Variants in OGFRL1 observed in about 807,000 individuals in gnomAD.
The protein encoded by OGFRL1 is opioid growth factor receptor-like protein 1.
OGFRL1 carries 26 observed loss-of-function variants against 32.4 expected under a neutral mutation model. The observed-to-expected ratio is 0.80, with a 90% CI of 0.59 to 1.11. The LOEUF (loss-of-function observed/expected upper bound fraction) is 1.11. Among genes scored for constraint, OGFRL1 ranks in the 50% most tolerant of loss-of-function variants. The pLI, the probability that OGFRL1 is intolerant of heterozygous loss-of-function variation, is 0.00. For synonymous variants in OGFRL1, 211 were observed against 201.2 expected (o/e 1.05, Z -0.41); for missense variants, 521 against 546.4 (o/e 0.95, Z 0.46).
chr6:71,289,089 G>C lies in OGFRL1; in HGVS notation c.153G>C (p.Ala51=). Residue 51 remains alanine, a synonymous_variant, in exon 1 of 7, where the codon GCG becomes GCC. Transcript: ENST00000370435. ...EGPGQESEQP[A]QPPEQAGGRP... Reference sequence around the variant, plus strand: ...CGGGGCAGGAGTCCGAGCAGCCCGCGCAGCCCCCGGAGCAAGCCGGCGGGC... The same window carrying C: ...CGGGGCAGGAGTCCGAGCAGCCCGCCCAGCCCCCGGAGCAAGCCGGCGGGC... The C allele has an allele frequency of 2.6e-6, 3 of 1,144,772 alleles. No individual in the cohort carries two copies. The highest frequency in any genetic ancestry group is 3.2e-6 in the Non-Finnish European group (3 of 930,280). The allele number at this position is 1,144,772 out of a possible 1,614,324, so 70.9% of individuals were successfully genotyped here.
chr6:71,293,635 A>T (rs754568177), intron 3 of OGFRL1, 24 bp downstream of exon 3: 2 of 1,448,890 alleles, frequency 1.4e-6, no homozygotes, highest in Non-Finnish European at 1.9e-6. Context: ...TACTTGATAA[A>T]TTGCACTTTA....
In OGFRL1 at chr6:71,306,363, T is replaced by C. The variant is rs575982099; in HGVS notation, c.*4314T>C. 7.9e-5 allele frequency: 12 copies of C among 152,304 alleles called. No individual in the cohort carries two copies. The highest frequency in any genetic ancestry group is 7.9e-4 in the Admixed American group (12 of 15,278). 9.4% of individuals were successfully genotyped at this position (152,304 alleles called of 1,614,324 possible). A position where few individuals can be genotyped will look rare whatever the true frequency, so the allele number is the denominator to read the frequency against. On this transcript the variant is annotated 3_prime_UTR_variant, in exon 7 of 7. Transcript: ENST00000370435. The stretch of plus-strand genomic sequence containing the variant: ...GTACTACCCTGCTCCTTCTGCATTC[T>C]AGTTATCCAACACACCCAGCAGATT...
chr6:71,306,540 A>C lies in OGFRL1; in HGVS notation c.*4491A>C, dbSNP rs1022869219. 2 of 152,198 alleles carry C rather than the reference A, an allele frequency of 1.3e-5. No individual in the cohort carries two copies. The highest frequency in any genetic ancestry group is 2.1e-4 in the South Asian group (1 of 4,834). 9.4% of individuals were successfully genotyped at this position (152,198 alleles called of 1,614,324 possible). A position where few individuals can be genotyped will look rare whatever the true frequency, so the allele number is the denominator to read the frequency against. ...AAGTTTACATTTTTATTACATTATAAAATCTCATCATTGGGAACTTTCTAA... is the reference window on the plus strand; with the variant it reads ...AAGTTTACATTTTTATTACATTATACAATCTCATCATTGGGAACTTTCTAA... On this transcript the variant is annotated 3_prime_UTR_variant, in exon 7 of 7. Transcript: ENST00000370435.
rs2149357408 is a variant in OGFRL1, at chr6:71,302,189, T to C, written c.*140T>C. ...TCTGTCATAAGCATTTTGTTGTTTG[T>C]TTTTTTATTTTGGATGACAATGAAT... On this transcript the variant is annotated 3_prime_UTR_variant, in exon 7 of 7. Coordinates refer to ENST00000370435, the MANE Select transcript of OGFRL1 (RefSeq NM_024576.5). 1 of 656,356 alleles carries C rather than the reference T, an allele frequency of 1.5e-6. No homozygotes were observed. Among genetic ancestry groups the C allele is most frequent in the Admixed American group, 3.6e-5 (1 of 27,592 alleles). The allele number at this position is 656,356 out of a possible 1,614,324, so 40.7% of individuals were successfully genotyped here. A position where few individuals can be genotyped will look rare whatever the true frequency, so the allele number is the denominator to read the frequency against.
Position 71,296,537 on chromosome 6 carries a change from A to T in OGFRL1, c.522A>T (p.Lys174Asn). 1 of 1,611,876 alleles carries T rather than the reference A, an allele frequency of 6.2e-7. No individual in the cohort carries two copies. The highest frequency in any genetic ancestry group is 8.5e-7 in the Non-Finnish European group (1 of 1,179,226). The part of the protein sequence containing the change: ...LREQGLNFYA[K>N]ELTTYEIEEF... ...AACAAGGCTTGAACTTCTATGCCAA[A>T]GAACTAACTACATATGAAATTGAGG... is the stretch of plus-strand genomic sequence containing the variant. The change falls in exon 5 of 7, where the codon AAA (lysine) becomes AAT (asparagine). Residue 174 changes from lysine to asparagine, a missense_variant. Coordinates refer to ENST00000370435, the MANE Select transcript of OGFRL1 (RefSeq NM_024576.5).
At position 71,296,202 on chromosome 6, in the gene OGFRL1, G is replaced by A. The variant is rs539878573; in HGVS notation, c.401-115G>A. 1.3e-5 allele frequency: 9 copies of A among 671,418 alleles called. No individual in the cohort carries two copies. The Admixed American group carries it at 1.4e-4, about 10-fold the overall frequency. The allele number at this position is 671,418 out of a possible 1,614,324, so 41.6% of individuals were successfully genotyped here. A position where few individuals can be genotyped will look rare whatever the true frequency, so the allele number is the denominator to read the frequency against. Reference sequence around the variant, plus strand: ...TCATCTTTTTAAAAGCACTATTCTTGTGTGCTATTATTAAATTTAAACAAG... The same window carrying A: ...TCATCTTTTTAAAAGCACTATTCTTATGTGCTATTATTAAATTTAAACAAG... On this transcript the variant is annotated intron_variant, in intron 3 of 6. Transcript: ENST00000370435.
Position 71,308,226 on chromosome 6 carries a change from T to G in OGFRL1, c.*6177T>G, listed in dbSNP as rs975261488. 2 of 152,226 alleles carry G rather than the reference T, an allele frequency of 1.3e-5. No homozygotes were observed. The highest frequency in any genetic ancestry group is 2.9e-5 in the Non-Finnish European group (2 of 68,040). The allele number at this position is 152,226 out of a possible 1,614,324, so 9.4% of individuals were successfully genotyped here. A position where few individuals can be genotyped will look rare whatever the true frequency, so the allele number is the denominator to read the frequency against. ...AGAGAAAGACTCAGTGATAGGTGGT[T>G]TGTGAGTGAAGTAACTTCCACACTG... On this transcript the variant is annotated 3_prime_UTR_variant, in exon 7 of 7. Transcript: ENST00000370435.
Position 71,305,349 on chromosome 6 carries a change from G to A in OGFRL1, c.*3300G>A, listed in dbSNP as rs929481586. The A allele has an allele frequency of 2.0e-5, 3 of 151,982 alleles. No homozygotes were observed. Among genetic ancestry groups the A allele is most frequent in the Non-Finnish European group, 2.9e-5 (2 of 67,906 alleles). 9.4% of individuals were successfully genotyped at this position (151,982 alleles called of 1,614,324 possible). ...TAGTTATAAGATATATTTCTGTACAGTAGAGAAAGAGTTTATAACATGAAG... is the reference window on the plus strand; with the variant it reads ...TAGTTATAAGATATATTTCTGTACAATAGAGAAAGAGTTTATAACATGAAG... On this transcript the variant is annotated 3_prime_UTR_variant, in exon 7 of 7. Coordinates refer to ENST00000370435, the MANE Select transcript of OGFRL1 (RefSeq NM_024576.5).
At position 71,306,513 on chromosome 6, in the gene OGFRL1, A is replaced by G. The variant is rs1300101207; in HGVS notation, c.*4464A>G. 1 of 152,220 alleles carries G rather than the reference A, an allele frequency of 6.6e-6. No homozygotes were observed. The highest frequency in any genetic ancestry group is 1.5e-5 in the Non-Finnish European group (1 of 68,032). The allele number at this position is 152,220 out of a possible 1,614,324, so 9.4% of individuals were successfully genotyped here. A position where few individuals can be genotyped will look rare whatever the true frequency, so the allele number is the denominator to read the frequency against. ...TAACAAATGTAAATGGTTTTCATTC[A>G]GAAGTTTACATTTTTATTACATTAT... On this transcript the variant is annotated 3_prime_UTR_variant, in exon 7 of 7. Transcript: ENST00000370435.
Position 71,308,647 on chromosome 6 carries a change from G to A in OGFRL1, c.*6598G>A, listed in dbSNP as rs1217955929. The stretch of plus-strand genomic sequence containing the variant: ...GTGTATGTGGTAGAAGTTGTAACCA[G>A]TTTCTGGATCTGTATGGTACTATAA... On this transcript the variant is annotated 3_prime_UTR_variant, in exon 7 of 7. Coordinates refer to ENST00000370435, the MANE Select transcript of OGFRL1 (RefSeq NM_024576.5). 3 of 152,126 alleles carry A rather than the reference G, an allele frequency of 2.0e-5. No individual in the cohort carries two copies. The highest frequency in any genetic ancestry group is 4.4e-5 in the Non-Finnish European group (3 of 68,026). The allele number at this position is 152,126 out of a possible 1,614,324, so 9.4% of individuals were successfully genotyped here. A position where few individuals can be genotyped will look rare whatever the true frequency, so the allele number is the denominator to read the frequency against.
chr6:71,296,927 T>C (rs972720116), intron 6 of OGFRL1, 110 bp downstream of exon 6: 104 of 1,282,564 alleles, frequency 8.1e-5, no homozygotes, highest in Non-Finnish European at 1.1e-4. Context: ...CCCAGGAATT[T>C]GGATTAAAAA....
rs1766621946 is a variant in OGFRL1, at chr6:71,308,465, TA to T, written c.*6417del. 1 of 152,230 alleles carries T rather than the reference TA, an allele frequency of 6.6e-6. No individual in the cohort carries two copies. Among genetic ancestry groups the T allele is most frequent in the African/African-American group, 2.4e-5 (1 of 41,464 alleles). 9.4% of individuals were successfully genotyped at this position (152,230 alleles called of 1,614,324 possible). A position where few individuals can be genotyped will look rare whatever the true frequency, so the allele number is the denominator to read the frequency against. ...ACTATTGTGTCCCTTGTATTTTAAA[TA>T]TTTCAGGAAAATGCCTACGATTGTT... On this transcript the variant is annotated 3_prime_UTR_variant, in exon 7 of 7. Coordinates refer to ENST00000370435, the MANE Select transcript of OGFRL1 (RefSeq NM_024576.5).
rs1467512158 is a variant in OGFRL1 at position 71,296,792 on chromosome 6, C to G, written c.667C>G (p.Gln223Glu). The stretch of plus-strand genomic sequence containing the variant: ...AAATGTTGCTCGGGCTGTTAACTGG[C>G]AGGAAAGATTTCAGCATCTGAATGA... ...TGNVARAVNWQERFQHLNESQ... is the reference protein window; with the variant it reads ...TGNVARAVNWEERFQHLNESQ... The change falls in exon 6 of 7, where the codon CAG becomes GAG. Residue 223 changes from glutamine (Q) to glutamate (E), a missense_variant. By Grantham distance (29) the Gln-to-Glu change is conservative (BLOSUM62 2). Transcript: ENST00000370435. The G allele has an allele frequency of 6.2e-7, 1 of 1,613,076 alleles. No homozygotes were observed. The highest frequency in any genetic ancestry group is 2.2e-5 in the East Asian group (1 of 44,868).
chr6:71,291,027 G>A (rs1766035471), intron 1 of OGFRL1, among the ~76,000 whole-genome samples: 1 of 152,174 alleles, frequency 6.6e-6, no homozygotes, highest in Non-Finnish European at 1.5e-5. Flanking sequence ...AAGATAAGGG[G>A]TTATCAAGGA....
rs1259610660 is a variant in OGFRL1 at position 71,288,904 on chromosome 6, C to T, written c.-33C>T. ...GCCTGCCGCAGCTTGCGCCCCGCAGCCCCGCAGCCCCGCGCCCGCCGCCGC... is the reference window on the plus strand; with the variant it reads ...GCCTGCCGCAGCTTGCGCCCCGCAGTCCCGCAGCCCCGCGCCCGCCGCCGC... On this transcript the variant is annotated 5_prime_UTR_variant, in exon 1 of 7. Coordinates refer to ENST00000370435, the MANE Select transcript of OGFRL1 (RefSeq NM_024576.5). 5 of 1,275,572 alleles carry T rather than the reference C, an allele frequency of 3.9e-6. No homozygotes were observed. The highest frequency in any genetic ancestry group is 5.0e-6 in the Non-Finnish European group (5 of 993,424). The allele number at this position is 1,275,572 out of a possible 1,614,324, so 79.0% of individuals were successfully genotyped here. A position where few individuals can be genotyped will look rare whatever the true frequency, so the allele number is the denominator to read the frequency against.
Position 71,289,046 on chromosome 6 carries a change from G to A in OGFRL1, c.110G>A (p.Gly37Asp), listed in dbSNP as rs1765949852. 5 of 1,299,724 alleles carry A rather than the reference G, an allele frequency of 3.8e-6. No homozygotes were observed. The African/African-American group carries it at 6.2e-5, about 16-fold the overall frequency. 80.5% of individuals were successfully genotyped at this position (1,299,724 alleles called of 1,614,324 possible). Reference sequence around the variant, plus strand: ...CCCGAGCCCGAAGAACCAGGGCCGGGCGGCGGCAGCGAGGGCCCGGGGCAG... The same window carrying A: ...CCCGAGCCCGAAGAACCAGGGCCGGACGGCGGCAGCGAGGGCCCGGGGCAG... Reference protein sequence around the residue: ...SEPEPEEPGPGGGSEGPGQES... With the variant: ...SEPEPEEPGPDGGSEGPGQES... The change falls in exon 1 of 7, where the codon GGC (glycine) becomes GAC (aspartate). Residue 37 changes from glycine (G) to aspartate (D), a missense_variant. By Grantham distance (94) the Gly-to-Asp change is moderately conservative. Coordinates refer to ENST00000370435, the MANE Select transcript of OGFRL1 (RefSeq NM_024576.5).
chr6:71,293,478 G>C, intron 2 of OGFRL1, 55 bp from the exon 3 acceptor site: 1 of 1,565,654 alleles, frequency 6.4e-7, no homozygotes, highest in Admixed American at 1.7e-5. Context: ...AAGGGTCCTT[G>C]TATCTTTACT....
At chr6:71,292,616 T>TTTACTC (rs1766084526) in intron 1 of OGFRL1, among the ~76,000 whole-genome samples, 1 of 152,204 alleles carries the variant, frequency 6.6e-6, no homozygotes, top group South Asian at 2.1e-4. Context: ...AACTACCATG[T>TTTACTC]ATAAGTTGTT....
At position 71,288,909 on chromosome 6, in the gene OGFRL1, C is replaced by A; in HGVS notation, c.-28C>A. 2 of 1,297,584 alleles carry A rather than the reference C, an allele frequency of 1.5e-6. No individual in the cohort carries two copies. Among genetic ancestry groups the A allele is most frequent in the Non-Finnish European group, 9.9e-7 (1 of 1,005,308 alleles). 80.4% of individuals were successfully genotyped at this position (1,297,584 alleles called of 1,614,324 possible). A position where few individuals can be genotyped will look rare whatever the true frequency, so the allele number is the denominator to read the frequency against. On this transcript the variant is annotated 5_prime_UTR_variant, in exon 1 of 7. Coordinates refer to ENST00000370435, the MANE Select transcript of OGFRL1 (RefSeq NM_024576.5). ...CCGCAGCTTGCGCCCCGCAGCCCCGCAGCCCCGCGCCCGCCGCCGCCTCTT... is the reference window on the plus strand; with the variant it reads ...CCGCAGCTTGCGCCCCGCAGCCCCGAAGCCCCGCGCCCGCCGCCGCCTCTT...
Sources: allele counts gnomAD v4.1 joint callset (sites outside exome capture counted in the v4.1 genomes callset), GRCh38; gene constraint gnomAD v4.1.1; transcripts MANE v1.5; gene names NCBI Gene and HGNC (gene_info 2026-07-23, HGNC 2026-07-21).